The following GPAT2 variants were observed in gnomAD, a reference collection of about 807,000 sequenced individuals.
GPAT2 encodes 1-acylglycerol-3-phosphate O-acyltransferase GPAT2.
A neutral mutation model predicts 71.0 loss-of-function variants in GPAT2; 51 were observed. The ratio of observed to expected loss-of-function variants is 0.72; its 90% CI spans 0.57 to 0.91. GPAT2 has a LOEUF of 0.91. Among genes scored for constraint, GPAT2 ranks in the 40% least tolerant of loss-of-function variants. The probability of loss-of-function intolerance (pLI) is 0.00; values close to 1 mark genes in which losing one functional copy is unlikely to be tolerated. For missense variants in GPAT2, 511 were observed against 666.0 expected, an observed-to-expected ratio of 0.77 and a Z score of 2.56; for synonymous variants, 222 against 290.3, an observed-to-expected ratio of 0.76 and a Z score of 2.39.
Position 96,023,395 on chromosome 2 carries a change from T to C in GPAT2, c.1960A>G (p.Ser654Gly). The C allele has an allele frequency of 6.2e-7, 1 of 1,614,130 alleles. No individual in the cohort carries two copies. Among genetic ancestry groups the C allele is most frequent in the Non-Finnish European group, 8.5e-7 (1 of 1,180,026 alleles). Reference protein sequence around the residue: ...PACDTGRQRLSRKLLWKPSGD... With the variant: ...PACDTGRQRLGRKLLWKPSGD... Reference sequence around the variant, plus strand: ...CTCGGTTTCCACAGCAGCTTTCTGCTCAATCGCTGTCGCCCTGTGTCACAG... The same window carrying C: ...CTCGGTTTCCACAGCAGCTTTCTGCCCAATCGCTGTCGCCCTGTGTCACAG... Residue 654 changes from serine to glycine, a missense_variant, in exon 18 of 22, where the codon AGC (serine) becomes GGC (glycine). Transcript: ENST00000434632.
intron 13 of GPAT2, chr2:96,025,108 C>T: frequency 1.7e-6 from 1 of 595,326 alleles, no homozygotes; most frequent in South Asian, 2.0e-5. Context: ...GATGGATCTC[C>T]CTATAAGGGC....
Position 96,026,025 on chromosome 2 carries a change from A to G in GPAT2, c.1156-13T>C, listed in dbSNP as rs777377606. 1.9e-6 allele frequency: 3 copies of G among 1,612,250 alleles called. No homozygotes were observed. The highest frequency in any genetic ancestry group is 2.7e-5 in the African/African-American group (2 of 74,892). On this transcript the variant is annotated splice_polypyrimidine_tract_variant and intron_variant, in intron 11 of 21. Transcript: ENST00000434632. The stretch of plus-strand genomic sequence containing the variant: ...TGACGATGTATTCCTGCCCAAGAGA[A>G]GGCTCTTAGGTGGCCTGCTCGGGCC...
chr2:96,024,453 G>T lies in GPAT2; in HGVS notation c.1661C>A (p.Pro554His), dbSNP rs762053866. ...GCCCACAGCCTCGCTCAGGAAGACG[G>T]GCAGCAGCTCAGCACTCAGTTGTGC... ...HLAQLSAELL[P>H]VFLSEAVGAC... The change falls in exon 15 of 22, where the codon CCC (proline) becomes CAC (histidine). Residue 554 changes from proline (P) to histidine (H), a missense_variant. By Grantham distance (77) the Pro-to-His change is moderately conservative. Transcript: ENST00000434632. 28 of 1,613,784 alleles carry T rather than the reference G, an allele frequency of 1.7e-5. No homozygotes were observed. The highest frequency in any genetic ancestry group is 2.1e-5 in the Non-Finnish European group (25 of 1,179,900).
intron 21 of GPAT2, 131 bp from the exon 22 acceptor site, chr2:96,022,406 A>G (rs1679774884): frequency 3.4e-6 from 4 of 1,177,834 alleles, no homozygotes; most frequent in South Asian, 3.2e-5. Flanking sequence ...GTTTGCGTGC[A>G]AATGCTGCCG....
Position 96,032,417 on chromosome 2 carries a change from A to T in GPAT2, c.-58T>A. Reference sequence around the variant, plus strand: ...CTGGCACTCTCCTTCTCCCCACAGAAACCTGAGCCGGGGAAAGGTGCAAGG... The same window carrying T: ...CTGGCACTCTCCTTCTCCCCACAGATACCTGAGCCGGGGAAAGGTGCAAGG... On this transcript the variant is annotated splice_region_variant and 5_prime_UTR_variant, in exon 2 of 22. Transcript: ENST00000434632. 8.1e-7 allele frequency: 1 copy of T among 1,239,242 alleles called. No individual in the cohort carries two copies. The highest frequency in any genetic ancestry group is 1.2e-5 in the South Asian group (1 of 80,176). The allele number at this position is 1,239,242 out of a possible 1,614,324, so 76.8% of individuals were successfully genotyped here. A position where few individuals can be genotyped will look rare whatever the true frequency, so the allele number is the denominator to read the frequency against.
At chr2:96,022,859 T>A in intron 20 of GPAT2, 99 bp downstream of exon 20, 3 of 1,611,934 alleles carry the variant, frequency 1.9e-6, no homozygotes, top group Non-Finnish European at 2.5e-6. Context: ...CTCTGCAGCC[T>A]GCCTTCCTAG....
In GPAT2 at chr2:96,026,204, T is replaced by C. The variant is rs777269488; in HGVS notation, c.1134A>G (p.Leu378=). Residue 378 remains leucine (L), a synonymous_variant, in exon 11 of 22, where the codon CTA becomes CTG. Transcript: ENST00000434632. Reference sequence around the variant, plus strand: ...ATACCTGCAGGGAAAAGGGCTGAGCTAGGTGCACCCGGGAGCAGATCCGGT... The same window carrying C: ...ATACCTGCAGGGAAAAGGGCTGAGCCAGGTGCACCCGGGAGCAGATCCGGT... ...CSHRICSRVH[L]AQPFSLQEYI... is the part of the protein sequence containing the mutation. The C allele has an allele frequency of 3.7e-6, 6 of 1,611,052 alleles. No individual in the cohort carries two copies. Among genetic ancestry groups the C allele is most frequent in the Non-Finnish European group, 5.1e-6 (6 of 1,178,962 alleles).
Position 96,023,162 on chromosome 2 carries a change from A to G in GPAT2, c.2111T>C (p.Leu704Pro), listed in dbSNP as rs1679895147. ...LFLCRLLSPL[L>P]KAFAQAAAFL... is the part of the protein sequence containing the mutation. ...GGCGGCAGCCTGTGCAAAGGCCTTG[A>G]GCAGCGGGCTGAGCAGGCGGCAGAG... Residue 704 changes from leucine (L) to proline (P), a missense_variant, in exon 19 of 22, where the codon CTC becomes CCC. By Grantham distance (98) the Leu-to-Pro change is moderately conservative (BLOSUM62 -3). This residue lies in a region of GPAT2 where 4 missense variants were observed against 19.1 expected (regional missense o/e 0.21). Coordinates refer to ENST00000434632, the MANE Select transcript of GPAT2 (RefSeq NM_001321527.2). 6.2e-7 allele frequency: 1 copy of G among 1,607,060 alleles called. No individual in the cohort carries two copies. Among genetic ancestry groups the G allele is most frequent in the African/African-American group, 1.3e-5 (1 of 74,780 alleles).
Position 96,025,585 on chromosome 2 carries a change from A to C in GPAT2, c.1257T>G (p.Thr419=), listed in dbSNP as rs1194460886. The C allele has an allele frequency of 6.4e-7, 1 of 1,574,416 alleles. No homozygotes were observed. The highest frequency in any genetic ancestry group is 8.6e-7 in the Non-Finnish European group (1 of 1,162,174). The change falls in exon 13 of 22, where the codon ACT becomes ACG. Residue 419 remains threonine, a synonymous_variant. Coordinates refer to ENST00000434632, the MANE Select transcript of GPAT2 (RefSeq NM_001321527.2). The part of the protein sequence containing the change: ...VLGQCTAVPD[T]EKEQEWTPIT... Reference sequence around the variant, plus strand: ...TGGGGGTCCACTCCTGCTCCTTCTCAGTGTCTGGGACAGCAGTACTGAGAT... The same window carrying C: ...TGGGGGTCCACTCCTGCTCCTTCTCCGTGTCTGGGACAGCAGTACTGAGAT...
chr2:96,023,036 G>C lies in GPAT2; in HGVS notation c.2168-13C>G. On this transcript the variant is annotated splice_polypyrimidine_tract_variant and intron_variant, in intron 19 of 21. Coordinates refer to ENST00000434632, the MANE Select transcript of GPAT2 (RefSeq NM_001321527.2). The stretch of plus-strand genomic sequence containing the variant: ...GTGTAGCCCAACTCTGCAGAAGAGA[G>C]AAGACCTAGACCTGGCACCCAGCAC... The C allele has an allele frequency of 6.2e-7, 1 of 1,613,884 alleles. No homozygotes were observed. The highest frequency in any genetic ancestry group is 8.5e-7 in the Non-Finnish European group (1 of 1,179,872).
rs1435735734 is a variant in GPAT2 at position 96,023,446 on chromosome 2, G to T, written c.1915-6C>A. ...GCTGGCCGGGAGCCTGGGGTCTAGGGGCCGTGGAGCCATTGTTCTCTGACA... is the reference window on the plus strand; with the variant it reads ...GCTGGCCGGGAGCCTGGGGTCTAGGTGCCGTGGAGCCATTGTTCTCTGACA... On this transcript the variant is annotated splice_region_variant and splice_polypyrimidine_tract_variant and intron_variant, in intron 17 of 21. Transcript: ENST00000434632. The T allele has an allele frequency of 1.9e-6, 3 of 1,613,870 alleles. No homozygotes were observed. Among genetic ancestry groups the T allele is most frequent in the South Asian group, 2.2e-5 (2 of 91,088 alleles).
intron 21 of GPAT2, 64 bp from the exon 22 acceptor site, chr2:96,022,339 G>T: frequency 6.8e-7 from 1 of 1,479,338 alleles, no homozygotes; most frequent in South Asian, 1.4e-5. Context: ...ATGGCCCAGG[G>T]GCCAGGCCTG....
intron 21 of GPAT2, among the ~76,000 whole-genome samples, 171 bp downstream of exon 21, chr2:96,022,497 C>T (rs1679790309): frequency 1.3e-5 from 2 of 152,230 alleles, no homozygotes; most frequent in African/African-American, 4.8e-5. Context: ...CCCACCTTCT[C>T]CAACCCATCA....
At chr2:96,034,013 T>C (rs1303477794) in intron 1 of GPAT2, among the ~76,000 whole-genome samples, 11 of 151,742 alleles carry the variant, frequency 7.2e-5, no homozygotes, top group Admixed American at 2.0e-4. Context: ...TACATATATA[T>C]ACACACACAT....
At chr2:96,023,897 A>T in intron 17 of GPAT2, 26 bp downstream of exon 17, 3 of 1,563,576 alleles carry the variant, frequency 1.9e-6, no homozygotes, top group Non-Finnish European at 2.6e-6. Context: ...CCAGGCAAGG[A>T]TCTTGTCTCC....
chr2:96,024,844 C>T lies in GPAT2; in HGVS notation c.1358-1G>A. The T allele has an allele frequency of 6.2e-7, 1 of 1,612,758 alleles. No homozygotes were observed. Among genetic ancestry groups the T allele is most frequent in the Non-Finnish European group, 8.5e-7 (1 of 1,179,966 alleles). On this transcript the variant is annotated splice_acceptor_variant, in intron 13 of 21. Transcript: ENST00000434632. LOFTEE classifies it high-confidence loss of function. ...ATCACCGCAGAGCTCCCTACACTGG[C>T]TGGAGTGGGGCGGGGGGTGGAGATG...
rs1233369642 is a variant in GPAT2 at position 96,023,441 on chromosome 2, C to G, written c.1915-1G>C. 1.9e-6 allele frequency: 3 copies of G among 1,613,854 alleles called. No homozygotes were observed. Among genetic ancestry groups the G allele is most frequent in the Middle Eastern group, 1.7e-4 (1 of 6,060 alleles). ...CACAGGCTGGCCGGGAGCCTGGGGT[C>G]TAGGGGCCGTGGAGCCATTGTTCTC... On this transcript the variant is annotated splice_acceptor_variant, in intron 17 of 21. Coordinates refer to ENST00000434632, the MANE Select transcript of GPAT2 (RefSeq NM_001321527.2). LOFTEE classifies it high-confidence loss of function.
Position 96,026,293 on chromosome 2 carries a change from G to C in GPAT2, c.1045C>G (p.Leu349Val). Reference protein sequence around the residue: ...PCDIDHASAPLGLWTGALAVL... With the variant: ...PCDIDHASAPVGLWTGALAVL... ...GCCAGAGCTCCTGTCCACAGCCCCA[G>C]GGGGGCCGAGGCCTGCAAGGAGGGA... Residue 349 changes from leucine to valine, a missense_variant, in exon 11 of 22, where the codon CTG (leucine) becomes GTG (valine). Physicochemically the swap from Leu to Val is conservative, Grantham distance 32 (BLOSUM62 1). Transcript: ENST00000434632. The C allele has an allele frequency of 1.9e-6, 3 of 1,548,632 alleles. No individual in the cohort carries two copies. In the East Asian group the frequency reaches 6.8e-5, roughly 35 times the overall value.
chr2:96,024,576 T>G lies in GPAT2; in HGVS notation c.1538A>C (p.His513Pro), dbSNP rs1239237207. The change falls in exon 15 of 22, where the codon CAC becomes CCC. Residue 513 changes from histidine (H) to proline (P), a missense_variant. Coordinates refer to ENST00000434632, the MANE Select transcript of GPAT2 (RefSeq NM_001321527.2). ...GTGCGCCCGCAGCAGGCTCAGTGAG[T>G]GCTGCAGCAGGCTCCGCAGCTGCCC... Reference protein sequence around the residue: ...FSGQLRSLLQHSLSLLRAHVA... With the variant: ...FSGQLRSLLQPSLSLLRAHVA... The G allele has an allele frequency of 6.2e-7, 1 of 1,613,722 alleles. No individual in the cohort carries two copies. The highest frequency in any genetic ancestry group is 8.5e-7 in the Non-Finnish European group (1 of 1,179,896).
Sources: allele counts gnomAD v4.1 joint callset (sites outside exome capture counted in the v4.1 genomes callset), GRCh38; gene constraint gnomAD v4.1.1; regional missense constraint gnomAD v4.1.1; transcripts MANE v1.5; gene names NCBI Gene and HGNC (gene_info 2026-07-23, HGNC 2026-07-21).